The following EDIL3 variants were observed in gnomAD, a reference collection of about 807,000 sequenced individuals.
The protein encoded by EDIL3 is EGF-like repeat and discoidin I-like domain-containing protein 3.
In EDIL3, 37 loss-of-function variants were observed where a neutral mutation model predicts 67.4. The ratio of observed to expected loss-of-function variants is 0.55; its 90% CI spans 0.42 to 0.72. The LOEUF (loss-of-function observed/expected upper bound fraction) is 0.72, where lower values mean the gene tolerates loss of function less well. Ranked by LOEUF, EDIL3 falls within the 30% of genes least tolerant of loss-of-function variation. EDIL3 has a pLI of 0.00. For synonymous variants in EDIL3, 195 were observed against 196.3 expected (o/e 0.99, Z 0.05); for missense variants, 527 against 586.3 (o/e 0.90, Z 1.04).
intron 3 of EDIL3, among the ~76,000 whole-genome samples, chr5:84,215,336 A>C (rs62363002): frequency 1.9e-4 from 28 of 150,800 alleles, no homozygotes; most frequent in Non-Finnish European, 3.7e-4. Context: ...TCATTGCAAG[A>C]TCCACCTCCC....
chr5:84,090,175 T>C (rs1451994745), intron 6 of EDIL3, among the ~76,000 whole-genome samples: 1 of 152,206 alleles, frequency 6.6e-6, no homozygotes, highest in African/African-American at 2.4e-5. Context: ...CATGGAGGAA[T>C]GTGGATTCCA....
chr5:84,362,185 C>A (rs1436007884), intron 1 of EDIL3, among the ~76,000 whole-genome samples: 3 of 152,072 alleles, frequency 2.0e-5, no homozygotes, highest in African/African-American at 7.2e-5. Flanking sequence ...GTAACAGCAT[C>A]TTTTGCTTTA....
In EDIL3 at chr5:83,959,665, A is replaced by G. The variant is rs1227180735; in HGVS notation, c.1293+3540T>C. ...TCCTCTTATGGAGAGTAATCATGGA[A>G]AACAAGACAAAAATAATGTTAAGAA... On this transcript the variant is annotated intron_variant, in intron 10 of 10. Coordinates refer to ENST00000296591, the MANE Select transcript of EDIL3 (RefSeq NM_005711.5). 2.0e-5 allele frequency among the ~76,000 whole-genome samples: 3 copies of G among 150,942 alleles called. No individual in the cohort carries two copies. The East Asian group carries it at 5.8e-4, about 29-fold the overall frequency.
chr5:84,123,111 C>T (rs1290169751), intron 5 of EDIL3, among the ~76,000 whole-genome samples: 1 of 151,846 alleles, frequency 6.6e-6, no homozygotes, highest in African/African-American at 2.4e-5. Context: ...TTAAGAAAGC[C>T]TATTACAGCA....
At chr5:84,168,370 T>C (rs1748748626) in intron 4 of EDIL3, among the ~76,000 whole-genome samples, 1 of 152,126 alleles carries the variant, frequency 6.6e-6, no homozygotes, top group African/African-American at 2.4e-5. Context: ...TTTAAAAATA[T>C]CAAAAATTAA....
intron 10 of EDIL3, among the ~76,000 whole-genome samples, chr5:83,952,474 T>C (rs1483472448): frequency 1.3e-5 from 2 of 151,822 alleles, no homozygotes. Context: ...CCATAAGAAA[T>C]ATTCCCACAG....
chr5:84,001,873 T>C (rs1745337258), intron 9 of EDIL3, among the ~76,000 whole-genome samples: 1 of 151,600 alleles, frequency 6.6e-6, no homozygotes, highest in African/African-American at 2.4e-5. Context: ...TTCTGAAAAA[T>C]AGAGGAGGAA....
intron 6 of EDIL3, among the ~76,000 whole-genome samples, chr5:84,095,256 T>G (rs1460545122): frequency 6.6e-6 from 1 of 152,088 alleles, no homozygotes; most frequent in Non-Finnish European, 1.5e-5. Context: ...TTGGTACCAG[T>G]AGAGTGGGGC....
intron 5 of EDIL3, among the ~76,000 whole-genome samples, chr5:84,135,712 C>T (rs1274872532): frequency 6.6e-6 from 1 of 152,140 alleles, no homozygotes; most frequent in Non-Finnish European, 1.5e-5. Flanking sequence ...GTCTAGTTGG[C>T]TGTATGGTCA....
rs570002982 is a variant in EDIL3, at chr5:84,170,194, G to C, written c.355+10199C>G. Among the ~76,000 whole-genome samples the C allele has an allele frequency of 2.6e-5, 4 of 152,216 alleles. No individual in the cohort carries two copies. In the East Asian group the frequency reaches 7.7e-4, roughly 29 times the overall value. ...GGAAAGACAGTAGAGAGGAGAATAA[G>C]AGAGGTGTGGCCATAGCATCTGTCT... is the stretch of plus-strand genomic sequence containing the variant. On this transcript the variant is annotated intron_variant, in intron 4 of 10. Transcript: ENST00000296591.
chr5:84,039,600 C>A (rs550514982), intron 9 of EDIL3, among the ~76,000 whole-genome samples: 1 of 152,180 alleles, frequency 6.6e-6, no homozygotes, highest in African/African-American at 2.4e-5. Flanking sequence ...ATATCAGCAT[C>A]ATAACTTAGA....
intron 1 of EDIL3, among the ~76,000 whole-genome samples, chr5:84,270,868 A>T (rs1233619778): frequency 6.6e-6 from 1 of 152,188 alleles, no homozygotes; most frequent in East Asian, 1.9e-4. Flanking sequence ...AGAAACATAA[A>T]TAACGGTCTA....
At chr5:84,085,324 T>C (rs887490888) in intron 6 of EDIL3, among the ~76,000 whole-genome samples, 4 of 152,256 alleles carry the variant, frequency 2.6e-5, no homozygotes, top group African/African-American at 9.6e-5. Flanking sequence ...GTTATCTACC[T>C]TTGATCTTTG....
chr5:84,186,366 T>C (rs1743450484), intron 3 of EDIL3, among the ~76,000 whole-genome samples: 1 of 152,080 alleles, frequency 6.6e-6, no homozygotes, highest in Admixed American at 6.6e-5. Flanking sequence ...CATTTATTCA[T>C]TAAGTACTCC....
chr5:84,181,962 G>A (rs1749021054), intron 3 of EDIL3, among the ~76,000 whole-genome samples: 1 of 152,142 alleles, frequency 6.6e-6, no homozygotes, highest in South Asian at 2.1e-4. Context: ...GATTTTGAGA[G>A]CCCTAGAGGA....
At chr5:84,092,022 A>G (rs2112268602) in intron 6 of EDIL3, among the ~76,000 whole-genome samples, 1 of 152,294 alleles carries the variant, frequency 6.6e-6, no homozygotes, top group African/African-American at 2.4e-5. Context: ...GAACTCAAAA[A>G]TGATAGGAAC....
At chr5:84,162,200 C>G (rs530291134) in intron 4 of EDIL3, among the ~76,000 whole-genome samples, 65 of 152,054 alleles carry the variant, frequency 4.3e-4, no homozygotes, top group Non-Finnish European at 6.5e-4. Flanking sequence ...TCAGCATGGT[C>G]TAGAAAGGGG....
At chr5:84,136,554 C>A (rs927840872) in intron 5 of EDIL3, among the ~76,000 whole-genome samples, 6 of 152,058 alleles carry the variant, frequency 3.9e-5, no homozygotes, top group African/African-American at 1.2e-4. Flanking sequence ...TCATTTGATG[C>A]ATCATTTCAA....
intron 4 of EDIL3, among the ~76,000 whole-genome samples, chr5:84,153,359 C>T (rs892461794): frequency 6.6e-6 from 1 of 152,072 alleles, no homozygotes. Flanking sequence ...TGCAGTGGCA[C>T]GACCTCGGCT....
Sources: gnomAD v4.1 joint callset for allele counts (sites outside exome capture counted in the v4.1 genomes callset) on GRCh38, gnomAD v4.1.1 for gene constraint, MANE v1.5 for transcripts, NCBI Gene and HGNC (gene_info 2026-07-23, HGNC 2026-07-21) for gene names.